Variants in ALG14 observed in about 807,000 individuals in gnomAD.
ALG14 encodes UDP-N-acetylglucosamine transferase subunit ALG14.
A neutral mutation model predicts 22.8 loss-of-function variants in ALG14; 17 were observed. The observed-to-expected ratio is 0.75, with a 90% CI of 0.51 to 1.12. ALG14 has a LOEUF of 1.12. ALG14 is among the 50% of genes most tolerant of loss of function. The pLI is 0.00. For missense variants in ALG14, 288 were observed against 271.8 expected (o/e 1.06, Z -0.42); for synonymous variants, 89 against 103.7 (o/e 0.86, Z 0.86).
chr1:95,034,918 T>C (rs754665152), intron 2 of ALG14, among the ~76,000 whole-genome samples: 1 of 152,172 alleles, frequency 6.6e-6, no homozygotes, highest in Non-Finnish European at 1.5e-5. Context: ...CTCTTTGCCC[T>C]CTGTGCCCTG....
Position 95,064,926 on chromosome 1 carries a change from C to T in ALG14, c.228G>A (p.Met76Ile). 1 of 1,613,858 alleles carries T rather than the reference C, an allele frequency of 6.2e-7. No individual in the cohort carries two copies. Residue 76 changes from methionine (M) to isoleucine (I), a missense_variant, in exon 2 of 4, where the codon ATG (methionine) becomes ATA (isoleucine). Met to Ile is a conservative substitution (Grantham distance 10). Transcript: ENST00000370205. ...CAAAAGAATTTATTTTATTGGCACT[C>T]ATTTCATCAGTGTCAGCAATGACAT... is the stretch of plus-strand genomic sequence containing the variant. ...RHYVIADTDE[M>I]SANKINSFEL...
intron 2 of ALG14, among the ~76,000 whole-genome samples, chr1:95,033,772 T>C (rs1287743240): frequency 6.6e-6 from 1 of 152,128 alleles, no homozygotes; most frequent in Non-Finnish European, 1.5e-5. Flanking sequence ...CTCCCACAAT[T>C]CAAGTCATTA....
chr1:94,982,931 C>T lies in ALG14; in HGVS notation c.*145G>A, dbSNP rs1672533210. 2 of 657,350 alleles carry T rather than the reference C, an allele frequency of 3.0e-6. No homozygotes were observed. The highest frequency in any genetic ancestry group is 5.9e-5 in the Admixed American group (2 of 33,788). 40.7% of individuals were successfully genotyped at this position (657,350 alleles called of 1,614,324 possible). On this transcript the variant is annotated 3_prime_UTR_variant, in exon 4 of 4. Transcript: ENST00000370205. ...AGAAGCCTCAGTTTCTTCACTGAGT[C>T]ATCTGTACATTTTTTATTCCTTACC...
chr1:95,021,532 C>T (rs910373508), intron 3 of ALG14, among the ~76,000 whole-genome samples: 3 of 152,114 alleles, frequency 2.0e-5, no homozygotes, highest in Non-Finnish European at 4.4e-5. Context: ...GGTCAAAGAG[C>T]GATTTTAAAG....
chr1:95,060,071 T>A (rs74103627), intron 2 of ALG14, among the ~76,000 whole-genome samples: 6,956 of 151,718 alleles, frequency 0.046, 217 homozygotes, highest in South Asian at 0.083. Context: ...CAGGAAGGTG[T>A]CTGTCTCTGC....
intron 2 of ALG14, among the ~76,000 whole-genome samples, chr1:95,032,837 A>G (rs1172213547): frequency 6.6e-6 from 1 of 152,216 alleles, no homozygotes; most frequent in Non-Finnish European, 1.5e-5. Flanking sequence ...TTTAAAGGAA[A>G]CACTGAGAGC....
At chr1:94,998,124 C>T (rs1166853868) in intron 3 of ALG14, among the ~76,000 whole-genome samples, 1 of 152,164 alleles carries the variant, frequency 6.6e-6, no homozygotes, top group Non-Finnish European at 1.5e-5. Context: ...CTCAGGGTAA[C>T]ATTTAAAATA....
At chr1:95,011,683 G>A (rs1169912918) in intron 3 of ALG14, among the ~76,000 whole-genome samples, 1 of 152,038 alleles carries the variant, frequency 6.6e-6, no homozygotes, top group Non-Finnish European at 1.5e-5. Flanking sequence ...CCAAAGTGCT[G>A]GGATTACAGG....
chr1:95,055,714 C>T (rs1324376738), intron 2 of ALG14, among the ~76,000 whole-genome samples: 4 of 151,030 alleles, frequency 2.6e-5, no homozygotes, highest in Non-Finnish European at 4.4e-5. Flanking sequence ...ACACCTCGGC[C>T]GGGTGTGGTG....
intron 2 of ALG14, among the ~76,000 whole-genome samples, chr1:95,031,123 C>T (rs781175116): frequency 6.6e-6 from 1 of 152,160 alleles, no homozygotes; most frequent in Non-Finnish European, 1.5e-5. Context: ...ATCATCTAGA[C>T]TGCAGAGGTG....
intron 3 of ALG14, 96 bp from the exon 4 acceptor site, chr1:94,983,402 C>T (rs1672551852): frequency 5.1e-6 from 5 of 975,716 alleles, no homozygotes; most frequent in Non-Finnish European, 6.1e-6. Flanking sequence ...AGGGGATCTG[C>T]TTATGATTCT....
intron 3 of ALG14, among the ~76,000 whole-genome samples, chr1:95,012,968 A>G (rs1378333587): frequency 1.3e-5 from 2 of 152,010 alleles, no homozygotes; most frequent in Non-Finnish European, 2.9e-5. Flanking sequence ...CCCCTTCTCT[A>G]CTAATAATAC....
chr1:95,012,978 C>CA (rs2100751683), intron 3 of ALG14, among the ~76,000 whole-genome samples: 1 of 151,794 alleles, frequency 6.6e-6, no homozygotes, highest in South Asian at 2.1e-4. Context: ...ACTAATAATA[C>CA]AAAAAAAGTT....
intron 2 of ALG14, among the ~76,000 whole-genome samples, chr1:95,039,067 T>A (rs1674300000): frequency 6.6e-6 from 1 of 152,152 alleles, no homozygotes; most frequent in Non-Finnish European, 1.5e-5. Context: ...ATGAAGAGAT[T>A]CCTGATCTAA....
In ALG14 at chr1:94,981,339, T is replaced by C. The variant is rs568208915; in HGVS notation, c.*1737A>G. On this transcript the variant is annotated 3_prime_UTR_variant, in exon 4 of 4. Transcript: ENST00000370205. ...ACTAAATCCAGACAGCAAAGTGTTC[T>C]CACCATTCTGAGACACCTTCGGCTA... The C allele has an allele frequency of 3.3e-5, 5 of 152,108 alleles. No homozygotes were observed. Among genetic ancestry groups the C allele is most frequent in the Admixed American group, 2.6e-4 (4 of 15,272 alleles). The allele number at this position is 152,108 out of a possible 1,614,324, so 9.4% of individuals were successfully genotyped here.
chr1:95,008,153 A>G (rs1673268273), intron 3 of ALG14, among the ~76,000 whole-genome samples: 1 of 152,184 alleles, frequency 6.6e-6, no homozygotes, highest in South Asian at 2.1e-4. Flanking sequence ...AAGCTAACAA[A>G]TGGTGTCATG....
At chr1:95,039,595 TG>T (rs1234515083) in intron 2 of ALG14, among the ~76,000 whole-genome samples, 2 of 152,152 alleles carry the variant, frequency 1.3e-5, no homozygotes, top group Non-Finnish European at 2.9e-5. Flanking sequence ...TGGTCTTGTT[TG>T]GAGCATAATT....
intron 3 of ALG14, among the ~76,000 whole-genome samples, chr1:95,023,534 T>C (rs1673725886): frequency 6.6e-6 from 1 of 152,022 alleles, no homozygotes; most frequent in African/African-American, 2.4e-5. Flanking sequence ...AAAGCGTGAG[T>C]GAGTGTAGAT....
At chr1:95,027,599 A>G (rs1673860563) in intron 2 of ALG14, among the ~76,000 whole-genome samples, 1 of 152,274 alleles carries the variant, frequency 6.6e-6, no homozygotes, top group South Asian at 2.1e-4. Flanking sequence ...GTAACCTAGT[A>G]TCAAGATGGG....
Sources: allele counts gnomAD v4.1 joint callset (sites outside exome capture counted in the v4.1 genomes callset), GRCh38; gene constraint gnomAD v4.1.1; transcripts MANE v1.5; gene names NCBI Gene and HGNC (gene_info 2026-07-23, HGNC 2026-07-21).